MAP4K4: variants seen among roughly 807,000 people sequenced by gnomAD.
MAP4K4 encodes the protein HPK/GCK-like kinase HGK.
MAP4K4 carries 38 observed loss-of-function variants against 189.6 expected under a neutral mutation model. The observed-to-expected ratio is 0.20, with a 90% CI of 0.15 to 0.26. The LOEUF is 0.26. Among genes scored for constraint, MAP4K4 ranks in the 10% least tolerant of loss-of-function variants. The pLI is 1.00. For synonymous variants in MAP4K4, 610 were observed against 624.3 expected (o/e 0.98, Z 0.34); for missense variants, 1,054 against 1,726.9 (o/e 0.61, Z 6.91).
rs139187357 is a variant in MAP4K4, at chr2:101,837,420, T to G, written c.773+1442T>G. On this transcript the variant is annotated intron_variant, in intron 9 of 32. Coordinates refer to ENST00000324219, the Ensembl canonical transcript of MAP4K4. The stretch of plus-strand genomic sequence containing the variant: ...TGCCCTCTGTCTTCTGCTGGCAGGA[T>G]TTTTCTCATTTTTTATACAGTCTTT... 2.2e-3 allele frequency among the ~76,000 whole-genome samples: 336 copies of G among 152,090 alleles called. 1 individual carries two copies. The highest frequency in any genetic ancestry group is 6.4e-3 in the Admixed American group (98 of 15,276).
At chr2:101,727,751 C>G (rs1029191213) in intron 2 of MAP4K4, among the ~76,000 whole-genome samples, 1 of 152,192 alleles carries the variant, frequency 6.6e-6, no homozygotes, top group African/African-American at 2.4e-5. Context: ...GGCGGATCAC[C>G]TGAGGTCAGG....
intron 2 of MAP4K4, among the ~76,000 whole-genome samples, chr2:101,779,591 T>A (rs1180065377): frequency 6.6e-6 from 1 of 152,244 alleles, no homozygotes; most frequent in Non-Finnish European, 1.5e-5. Flanking sequence ...GAGAATTTTC[T>A]GTTTCACATG....
intron 2 of MAP4K4, among the ~76,000 whole-genome samples, chr2:101,702,428 G>A (rs1459936738): frequency 6.6e-6 from 1 of 152,046 alleles, no homozygotes; most frequent in Admixed American, 6.5e-5. Flanking sequence ...AATTAGCCGG[G>A]TGTAGTGGGG....
intron 2 of MAP4K4, among the ~76,000 whole-genome samples, chr2:101,763,375 A>G (rs915826957): frequency 1.3e-5 from 2 of 152,180 alleles, no homozygotes; most frequent in Non-Finnish European, 2.9e-5. Context: ...ATATATACCC[A>G]CTTTACAAGT....
At chr2:101,708,668 G>T (rs769509956) in intron 2 of MAP4K4, among the ~76,000 whole-genome samples, 1 of 152,138 alleles carries the variant, frequency 6.6e-6, no homozygotes, top group Non-Finnish European at 1.5e-5. Flanking sequence ...TTACATTTCA[G>T]TGATATTTAG....
At chr2:101,719,193 A>G (rs2050251276) in intron 2 of MAP4K4, among the ~76,000 whole-genome samples, 1 of 152,122 alleles carries the variant, frequency 6.6e-6, no homozygotes, top group Non-Finnish European at 1.5e-5. Flanking sequence ...TATGCTCTTC[A>G]TCTGTCTGGG....
chr2:101,851,919 C>A (rs182102242), intron 12 of MAP4K4, among the ~76,000 whole-genome samples: 56 of 151,760 alleles, frequency 3.7e-4, no homozygotes, highest in Middle Eastern at 3.4e-3. Flanking sequence ...GTTTCTAATT[C>A]ATCTTTGTAT....
At chr2:101,738,684 G>T (rs950784329) in intron 2 of MAP4K4, among the ~76,000 whole-genome samples, 1 of 151,984 alleles carries the variant, frequency 6.6e-6, no homozygotes, top group Non-Finnish European at 1.5e-5. Context: ...CTTGACTCAG[G>T]TGTTGCTTCC....
rs2150016516 is a variant in MAP4K4 at position 101,869,568 on chromosome 2, C to T, written c.2464-54C>T. On this transcript the variant is annotated intron_variant, in intron 21 of 32. Transcript: ENST00000324219. The stretch of plus-strand genomic sequence containing the variant: ...TTATGGTTAAAGAACTTCTCATCTT[C>T]TCCTGTCCCTGCTCCTGCTTGCCTT... 5 of 1,406,878 alleles carry T rather than the reference C, an allele frequency of 3.6e-6. No individual in the cohort carries two copies. The South Asian group carries it at 6.1e-5, about 17-fold the overall frequency. The allele number at this position is 1,406,878 out of a possible 1,614,324, so 87.1% of individuals were successfully genotyped here.
chr2:101,836,568 A>G (rs1194776913), intron 9 of MAP4K4, among the ~76,000 whole-genome samples: 1 of 152,142 alleles, frequency 6.6e-6, no homozygotes, highest in Non-Finnish European at 1.5e-5. Context: ...AGCCTGGGTA[A>G]CAAGAGCGAA....
intron 2 of MAP4K4, among the ~76,000 whole-genome samples, chr2:101,710,906 A>G (rs2149302952): frequency 6.6e-6 from 1 of 152,328 alleles, no homozygotes; most frequent in South Asian, 2.1e-4. Context: ...GACTGTCTTC[A>G]TTCAGTTTGC....
intron 10 of MAP4K4, among the ~76,000 whole-genome samples, chr2:101,841,653 G>A (rs1211358252): frequency 6.6e-6 from 1 of 151,984 alleles, no homozygotes. Flanking sequence ...ATTTTTAATA[G>A]AGACAGGCTT....
In MAP4K4 at chr2:101,873,126, A is replaced by G. The variant is rs148988419; in HGVS notation, c.2953-521A>G. ...TTTCACTAATGAGTCCTCATTTGGTATGGGTTTAATGGTGATGCACCTAAA... is the reference window on the plus strand; with the variant it reads ...TTTCACTAATGAGTCCTCATTTGGTGTGGGTTTAATGGTGATGCACCTAAA... On this transcript the variant is annotated intron_variant, in intron 24 of 32. Coordinates refer to ENST00000324219, the Ensembl canonical transcript of MAP4K4. Among the ~76,000 whole-genome samples, 679 of 152,292 alleles carry G rather than the reference A, an allele frequency of 4.5e-3. 5 individuals carry two copies. The highest frequency in any genetic ancestry group is 0.015 in the African/African-American group (639 of 41,550).
At chr2:101,782,048 T>C (rs2087867820) in intron 2 of MAP4K4, among the ~76,000 whole-genome samples, 1 of 152,202 alleles carries the variant, frequency 6.6e-6, no homozygotes, top group Non-Finnish European at 1.5e-5. Context: ...TTGCAAAGAC[T>C]GGATAGTAAT....
At chr2:101,824,115 C>CGGGGGT (rs1553509485) in intron 4 of MAP4K4, 62 bp downstream of exon 4, 2 of 40,578 alleles carry the variant, frequency 4.9e-5, no homozygotes, top group Non-Finnish European at 9.8e-5. Context: ...AAGGGCATGG[C>CGGGGGT]GGGGGTGGGG....
intron 16 of MAP4K4, 134 bp from the exon 17 acceptor site, chr2:101,863,687 G>A (rs948299191): frequency 1.7e-5 from 8 of 467,836 alleles, no homozygotes; most frequent in Admixed American, 1.2e-4. Flanking sequence ...GTTTCACTGC[G>A]TGGCTGACCT....
chr2:101,801,909 T>C (rs1483221259), intron 3 of MAP4K4, among the ~76,000 whole-genome samples: 1 of 152,212 alleles, frequency 6.6e-6, no homozygotes, highest in Non-Finnish European at 1.5e-5. Flanking sequence ...TCCTCATTGC[T>C]CAGGCCCAAA....
At chr2:101,888,010 C>T (rs894397743) in intron 31 of MAP4K4, 73 bp downstream of exon 31, 3 of 1,390,180 alleles carry the variant, frequency 2.2e-6, no homozygotes, top group African/African-American at 2.9e-5. Flanking sequence ...ATTTATCATG[C>T]TGATTTTGTA....
At chr2:101,712,986 C>T (rs998014242) in intron 2 of MAP4K4, among the ~76,000 whole-genome samples, 1 of 151,170 alleles carries the variant, frequency 6.6e-6, no homozygotes, top group African/African-American at 2.4e-5. Flanking sequence ...TCACTGCAAC[C>T]TCCACCTCCC....
Sources: gnomAD v4.1 joint callset for allele counts (sites outside exome capture counted in the v4.1 genomes callset) on GRCh38, gnomAD v4.1.1 for gene constraint, MANE v1.5 for transcripts, NCBI Gene and HGNC (gene_info 2026-07-23, HGNC 2026-07-21) for gene names.